SAP30BP: variants seen among roughly 807,000 people sequenced by gnomAD.
SAP30BP encodes SAP30-binding protein.
SAP30BP carries 31 observed loss-of-function variants against 46.3 expected under a neutral mutation model. That is an observed-to-expected ratio of 0.67 (90% confidence interval 0.50 to 0.90). The LOEUF (loss-of-function observed/expected upper bound fraction) is 0.90, where lower values mean the gene tolerates loss of function less well. Among genes scored for constraint, SAP30BP ranks in the 40% least tolerant of loss-of-function variants. The pLI is 0.00. For missense variants in SAP30BP, 312 were observed against 391.0 expected, an observed-to-expected ratio of 0.80 and a Z score of 1.70; for synonymous variants, 169 against 144.2, an observed-to-expected ratio of 1.17 and a Z score of -1.23.
intron 3 of SAP30BP, among the ~76,000 whole-genome samples, chr17:75,690,067 A>G (rs1351647472): frequency 6.6e-6 from 1 of 152,226 alleles, no homozygotes; most frequent in Non-Finnish European, 1.5e-5. Flanking sequence ...TTATCATTAC[A>G]CAATAATATA....
At chr17:75,671,725 A>C in intron 2 of SAP30BP, 91 bp from the exon 3 acceptor site, 2 of 951,114 alleles carry the variant, frequency 2.1e-6, no homozygotes, top group Non-Finnish European at 1.7e-6. Flanking sequence ...AGCTGGGTAA[A>C]TGGGCTGTTT....
At chr17:75,696,084 G>A (rs1013699562) in intron 4 of SAP30BP, among the ~76,000 whole-genome samples, 9 of 152,164 alleles carry the variant, frequency 5.9e-5, no homozygotes, top group Non-Finnish European at 1.2e-4. Flanking sequence ...CACGCACCAG[G>A]GCAAGTCACG....
At chr17:75,690,508 C>G (rs1410877455) in intron 3 of SAP30BP, among the ~76,000 whole-genome samples, 1 of 152,162 alleles carries the variant, frequency 6.6e-6, no homozygotes, top group Non-Finnish European at 1.5e-5. Context: ...TCCTCAGCCT[C>G]CCAAGTAGCT....
chr17:75,681,557 A>T (rs1242002494), intron 3 of SAP30BP, among the ~76,000 whole-genome samples: 1 of 152,220 alleles, frequency 6.6e-6, no homozygotes, highest in East Asian at 1.9e-4. Context: ...CAAATATCTG[A>T]AAACTGCCTA....
chr17:75,684,003 T>A (rs2060122237), intron 3 of SAP30BP: 1 of 152,196 alleles, frequency 6.6e-6, no homozygotes, highest in African/African-American at 2.4e-5. Context: ...CCTGGAGGGG[T>A]GCTTTTCCTT....
intron 3 of SAP30BP, chr17:75,672,088 T>C: frequency 1.9e-6 from 1 of 539,952 alleles, no homozygotes; most frequent in African/African-American, 1.9e-5. Context: ...TTGTGCCATA[T>C]CTCCTGACTA....
At chr17:75,680,045 T>G (rs2060052570) in intron 3 of SAP30BP, 1 of 152,232 alleles carries the variant, frequency 6.6e-6, no homozygotes, top group Non-Finnish European at 1.5e-5. Flanking sequence ...TGACACACCC[T>G]TCCTTTGAAA....
In SAP30BP at chr17:75,696,964, G is replaced by A. The variant is rs529781667; in HGVS notation, c.308-2819G>A. On this transcript the variant is annotated intron_variant, in intron 4 of 10. Transcript: ENST00000584667. The stretch of plus-strand genomic sequence containing the variant: ...GGCTAAATTTTTGTATTTTTAGTAG[G>A]GATGGGGTTTCACTGTTTTAGCCAG... 3.9e-5 allele frequency among the ~76,000 whole-genome samples: 6 copies of A among 151,936 alleles called. No homozygotes were observed. In the South Asian group the frequency reaches 1.0e-3, roughly 26 times the overall value.
chr17:75,698,122 G>A (rs892846565), intron 4 of SAP30BP, among the ~76,000 whole-genome samples: 2 of 152,224 alleles, frequency 1.3e-5, no homozygotes, highest in Admixed American at 6.5e-5. Flanking sequence ...TTGTCCCAGC[G>A]ATCCAAAGCA....
At chr17:75,694,696 C>T (rs539230076) in intron 4 of SAP30BP, among the ~76,000 whole-genome samples, 7 of 152,208 alleles carry the variant, frequency 4.6e-5, no homozygotes, top group Non-Finnish European at 8.8e-5. Flanking sequence ...TCACCCGAGC[C>T]GACCCTGCTG....
chr17:75,693,386 T>C, intron 3 of SAP30BP, 54 bp from the exon 4 acceptor site: 2 of 1,466,324 alleles, frequency 1.4e-6, no homozygotes, highest in Non-Finnish European at 1.9e-6. Flanking sequence ...CAGTAGAGAG[T>C]AGCTGGTTCA....
At chr17:75,698,321 C>T (rs191563372) in intron 4 of SAP30BP, among the ~76,000 whole-genome samples, 2 of 152,336 alleles carry the variant, frequency 1.3e-5, no homozygotes, top group East Asian at 3.9e-4. Context: ...TTTAAAAGAT[C>T]CTCAGCTGAT....
intron 1 of SAP30BP, chr17:75,668,260 T>G (rs1274068687): frequency 1.2e-5 from 5 of 427,768 alleles, no homozygotes; most frequent in African/African-American, 2.1e-5. Flanking sequence ...AGTGTTTATC[T>G]AGTGTTTATA....
Position 75,706,613 on chromosome 17 carries a change from A to T in SAP30BP, c.*92A>T. ...CCACTTTGTATATTTCAGGACTGGG[A>T]CCTACTCCCCAGATGCCACCTGAGA... is the stretch of plus-strand genomic sequence containing the variant. On this transcript the variant is annotated 3_prime_UTR_variant, in exon 11 of 11. Coordinates refer to ENST00000584667, the MANE Select transcript of SAP30BP (RefSeq NM_013260.8). The surrounding 1 kb of genome is among the most constrained non-coding windows in gnomAD (Gnocchi z 4.6). 2 of 1,222,108 alleles carry T rather than the reference A, an allele frequency of 1.6e-6. No homozygotes were observed. The highest frequency in any genetic ancestry group is 2.3e-6 in the Non-Finnish European group (2 of 856,270). 75.7% of individuals were successfully genotyped at this position (1,222,108 alleles called of 1,614,324 possible).
rs950873831 is a variant in SAP30BP, at chr17:75,707,423, G to A, written c.*902G>A. 5.2e-5 allele frequency: 8 copies of A among 152,696 alleles called. No homozygotes were observed. Among genetic ancestry groups the A allele is most frequent in the African/African-American group, 1.7e-4 (7 of 41,452 alleles). 9.5% of individuals were successfully genotyped at this position (152,696 alleles called of 1,614,324 possible). ...CTGGGCTCCCCCCGGGGTTGAAACG[G>A]GTTTCCCAGACCAGGGGTTCAGAGG... On this transcript the variant is annotated 3_prime_UTR_variant, in exon 11 of 11. Coordinates refer to ENST00000584667, the MANE Select transcript of SAP30BP (RefSeq NM_013260.8).
chr17:75,702,070 T>C (rs559112667), intron 5 of SAP30BP, among the ~76,000 whole-genome samples: 1 of 152,340 alleles, frequency 6.6e-6, no homozygotes, highest in East Asian at 1.9e-4. Context: ...ATCACCAGGC[T>C]GGAGTGCAGT....
chr17:75,704,949 C>A, intron 9 of SAP30BP, 135 bp downstream of exon 9: 1 of 722,876 alleles, frequency 1.4e-6, no homozygotes, highest in Non-Finnish European at 2.5e-6. Flanking sequence ...CTGAGCCTCT[C>A]AGCAGGGCCT....
At chr17:75,682,462 A>G (rs1446373152) in intron 3 of SAP30BP, among the ~76,000 whole-genome samples, 5 of 151,962 alleles carry the variant, frequency 3.3e-5, no homozygotes, top group Admixed American at 6.6e-5. Context: ...TGGGATTACA[A>G]GCGTGAGCTG....
In SAP30BP at chr17:75,706,290, G is replaced by A. The variant is rs776495795; in HGVS notation, c.746-50G>A. On this transcript the variant is annotated intron_variant, in intron 10 of 10. Coordinates refer to ENST00000584667, the MANE Select transcript of SAP30BP (RefSeq NM_013260.8). This position sits in a 1 kb window ranked among gnomAD's most constrained non-coding sequence, Gnocchi z 4.6. ...CTGGCCTGCAGGGGGAAGGGAAAGA[G>A]GGCACCGCTCATTGGTGGATCGTGA... 2.5e-6 allele frequency: 4 copies of A among 1,583,748 alleles called. No homozygotes were observed. Among genetic ancestry groups the A allele is most frequent in the Non-Finnish European group, 3.4e-6 (4 of 1,161,204 alleles).
Sources: allele counts gnomAD v4.1 joint callset (sites outside exome capture counted in the v4.1 genomes callset), GRCh38; gene constraint gnomAD v4.1.1; non-coding constraint Gnocchi (gnomAD v3.1); transcripts MANE v1.5; gene names NCBI Gene and HGNC (gene_info 2026-07-23, HGNC 2026-07-21).